KIRREL1: variants seen among roughly 807,000 people sequenced by gnomAD.
KIRREL1 encodes kirre like nephrin family adhesion molecule 1.
A neutral mutation model predicts 83.3 loss-of-function variants in KIRREL1; 25 were observed. The observed-to-expected ratio is 0.30, with a 90% CI of 0.22 to 0.42. KIRREL1 has a LOEUF of 0.42. Ranked by LOEUF, KIRREL1 falls within the 10% of genes least tolerant of loss-of-function variation. The pLI is 1.00. For missense variants in KIRREL1, 812 were observed against 1,032.3 expected, an observed-to-expected ratio of 0.79 and a Z score of 2.92; for synonymous variants, 388 against 410.4, an observed-to-expected ratio of 0.95 and a Z score of 0.66.
intron 1 of KIRREL1, among the ~76,000 whole-genome samples, chr1:158,059,877 G>T (rs1456274713): frequency 6.6e-6 from 1 of 152,200 alleles, no homozygotes; most frequent in East Asian, 1.9e-4. Context: ...TGGGGTTAGA[G>T]TGATTGCTAG....
At chr1:158,039,780 G>A (rs1660576026) in intron 1 of KIRREL1, among the ~76,000 whole-genome samples, 1 of 152,200 alleles carries the variant, frequency 6.6e-6, no homozygotes, top group Non-Finnish European at 1.5e-5. Flanking sequence ...CTTTCCAAAT[G>A]GCCTAGATGT....
At chr1:158,044,833 T>A (rs894908481) in intron 1 of KIRREL1, among the ~76,000 whole-genome samples, 5 of 152,188 alleles carry the variant, frequency 3.3e-5, no homozygotes, top group Admixed American at 6.5e-5. Context: ...TCATGGACCT[T>A]ATATGGCTTC....
chr1:158,094,598 C>T lies in KIRREL1; in HGVS notation c.1798-46C>T. On this transcript the variant is annotated intron_variant, in intron 14 of 14. Coordinates refer to ENST00000359209, the MANE Select transcript of KIRREL1 (RefSeq NM_018240.7). The surrounding 1 kb of genome is among the most constrained non-coding windows in gnomAD (Gnocchi z 4.6). Reference sequence around the variant, plus strand: ...AAGCCATGGTGAGACTTGATCCCCACCCAAGAGGGAACACTGCCTCCATCC... The same window carrying T: ...AAGCCATGGTGAGACTTGATCCCCATCCAAGAGGGAACACTGCCTCCATCC... 2 of 1,485,716 alleles carry T rather than the reference C, an allele frequency of 1.3e-6. No individual in the cohort carries two copies. Among genetic ancestry groups the T allele is most frequent in the Non-Finnish European group, 1.8e-6 (2 of 1,084,702 alleles). The allele number at this position is 1,485,716 out of a possible 1,614,324, so 92.0% of individuals were successfully genotyped here. A position where few individuals can be genotyped will look rare whatever the true frequency, so the allele number is the denominator to read the frequency against.
intron 1 of KIRREL1, among the ~76,000 whole-genome samples, chr1:158,040,766 C>A (rs1448248737): frequency 6.6e-6 from 1 of 152,126 alleles, no homozygotes; most frequent in African/African-American, 2.4e-5. Context: ...AGGAGGAGGG[C>A]TGGAGCGTGT....
At chr1:158,070,200 A>G (rs1478848718) in intron 1 of KIRREL1, among the ~76,000 whole-genome samples, 1 of 152,220 alleles carries the variant, frequency 6.6e-6, no homozygotes, top group Non-Finnish European at 1.5e-5. Flanking sequence ...GGTAGATGGC[A>G]GAACTTAACT....
chr1:158,079,771 C>T (rs1187744670), intron 3 of KIRREL1, among the ~76,000 whole-genome samples: 1 of 152,220 alleles, frequency 6.6e-6, no homozygotes, highest in Non-Finnish European at 1.5e-5. Context: ...GAGGTGACAA[C>T]CTCTGGGCAT....
chr1:158,075,396 C>T (rs1022572293), intron 1 of KIRREL1, among the ~76,000 whole-genome samples: 2 of 152,186 alleles, frequency 1.3e-5, no homozygotes, highest in African/African-American at 2.4e-5. Flanking sequence ...CAGGTGTGTT[C>T]ATGTGTACAC....
intron 1 of KIRREL1, among the ~76,000 whole-genome samples, chr1:158,041,448 T>A (rs1453206921): frequency 2.0e-5 from 3 of 152,088 alleles, no homozygotes; most frequent in Non-Finnish European, 4.4e-5. Flanking sequence ...AGATTTGAGA[T>A]AAGGATTAAG....
At chr1:158,068,196 C>T (rs774599884) in intron 1 of KIRREL1, among the ~76,000 whole-genome samples, 1 of 152,148 alleles carries the variant, frequency 6.6e-6, no homozygotes, top group Non-Finnish European at 1.5e-5. Context: ...GAGCTTTGGT[C>T]GGCAGAGACA....
In KIRREL1 at chr1:158,095,103, A is replaced by G. The variant is rs1476240093; in HGVS notation, c.2257A>G (p.Met753Val). ...CTACGGCCAGCGATTCCAGCAGCGCATGCAGACTCACGTGTAGGGGCCAGA... is the reference window on the plus strand; with the variant it reads ...CTACGGCCAGCGATTCCAGCAGCGCGTGCAGACTCACGTGTAGGGGCCAGA... ...SDYGQRFQQR[M>V]QTHV The change falls in exon 15 of 15, where the codon ATG (methionine) becomes GTG (valine). Residue 753 changes from methionine to valine, a missense_variant. Met to Val is a conservative substitution (Grantham distance 21). This residue lies in a region of KIRREL1 where 334 missense variants were observed against 383.7 expected (regional missense o/e 0.87). Transcript: ENST00000359209. 6.2e-7 allele frequency: 1 copy of G among 1,601,228 alleles called. No homozygotes were observed. Among genetic ancestry groups the G allele is most frequent in the Non-Finnish European group, 8.5e-7 (1 of 1,171,486 alleles).
chr1:158,018,406 G>A (rs960044959), intron 1 of KIRREL1, among the ~76,000 whole-genome samples: 1 of 152,182 alleles, frequency 6.6e-6, no homozygotes, highest in Non-Finnish European at 1.5e-5. Context: ...AGCTGGTGAA[G>A]CCCCGGGAGA....
chr1:158,010,687 T>C (rs1659663694), intron 1 of KIRREL1, among the ~76,000 whole-genome samples: 1 of 152,122 alleles, frequency 6.6e-6, no homozygotes, highest in Non-Finnish European at 1.5e-5. Flanking sequence ...TCTGGGAACT[T>C]TTGCCAGCAA....
At chr1:157,997,594 A>G (rs1238138988) in intron 1 of KIRREL1, among the ~76,000 whole-genome samples, 4 of 152,136 alleles carry the variant, frequency 2.6e-5, no homozygotes, top group Non-Finnish European at 4.4e-5. Flanking sequence ...AGAAGGGGAA[A>G]CTGACCCCCT....
At chr1:158,038,535 T>C (rs1660537396) in intron 1 of KIRREL1, among the ~76,000 whole-genome samples, 1 of 141,900 alleles carries the variant, frequency 7.0e-6, no homozygotes, top group Non-Finnish European at 1.5e-5. Context: ...TTATGTTGTC[T>C]GGGCTGGTCT....
intron 1 of KIRREL1, among the ~76,000 whole-genome samples, chr1:158,048,267 G>A (rs1481745366): frequency 1.3e-5 from 2 of 152,146 alleles, no homozygotes; most frequent in African/African-American, 4.8e-5. Flanking sequence ...ACTTACATCA[G>A]GCTTACTACC....
intron 1 of KIRREL1, among the ~76,000 whole-genome samples, chr1:158,059,722 G>A (rs142978335): frequency 5.1e-4 from 78 of 152,190 alleles, no homozygotes; most frequent in African/African-American, 1.9e-3. Flanking sequence ...TTGAAGCAGC[G>A]ATTACTGTTA....
At chr1:158,080,071 C>T (rs1661805025) in intron 3 of KIRREL1, among the ~76,000 whole-genome samples, 1 of 152,104 alleles carries the variant, frequency 6.6e-6, no homozygotes, top group African/African-American at 2.4e-5. Flanking sequence ...ATCTTGAATG[C>T]CAAGACATCA....
chr1:158,002,510 G>C (rs560932817), intron 1 of KIRREL1, among the ~76,000 whole-genome samples: 28 of 152,326 alleles, frequency 1.8e-4, no homozygotes, highest in East Asian at 9.6e-4. Context: ...GTCCCACCAG[G>C]GGGGGTGAGA....
chr1:158,055,146 G>C (rs768640772), intron 1 of KIRREL1, among the ~76,000 whole-genome samples: 1 of 152,140 alleles, frequency 6.6e-6, no homozygotes, highest in East Asian at 1.9e-4. Flanking sequence ...CCCCCTGAAT[G>C]AATGAGAACA....
Sources: allele counts gnomAD v4.1 joint callset (sites outside exome capture counted in the v4.1 genomes callset), GRCh38; gene constraint gnomAD v4.1.1; regional missense constraint gnomAD v4.1.1; non-coding constraint Gnocchi (gnomAD v3.1); transcripts MANE v1.5; gene names NCBI Gene and HGNC (gene_info 2026-07-23, HGNC 2026-07-21).